Variants in DOCK4 observed in about 807,000 individuals in gnomAD.
DOCK4 encodes the protein dedicator of cytokinesis 4.
Under a neutral mutation model 268.1 loss-of-function variants are expected in DOCK4, and 97 were observed. The ratio of observed to expected loss-of-function variants is 0.36; its 90% CI spans 0.31 to 0.43. The LOEUF (loss-of-function observed/expected upper bound fraction) is 0.43, where lower values mean the gene tolerates loss of function less well. Ranked by LOEUF, DOCK4 falls within the 20% of genes least tolerant of loss-of-function variation. The pLI, the probability that DOCK4 is intolerant of heterozygous loss-of-function variation, is 1.00. For synonymous variants in DOCK4, 954 were observed against 887.2 expected (o/e 1.08, Z -1.34); for missense variants, 2,145 against 2,455.7 (o/e 0.87, Z 2.67).
At chr7:112,014,468 C>T (rs1320732651) in intron 1 of DOCK4, among the ~76,000 whole-genome samples, 3 of 152,136 alleles carry the variant, frequency 2.0e-5, no homozygotes, top group Non-Finnish European at 4.4e-5. Context: ...AGGGACCCAG[C>T]CCCAACACAC....
chr7:112,080,109 A>G (rs1808445481), intron 1 of DOCK4, among the ~76,000 whole-genome samples: 1 of 152,172 alleles, frequency 6.6e-6, no homozygotes, highest in Non-Finnish European at 1.5e-5. Flanking sequence ...TTTTCATTCA[A>G]AAAAGAATCA....
intron 35 of DOCK4, 117 bp from the exon 36 acceptor site, chr7:111,778,486 T>C (rs955239390): frequency 3.8e-6 from 2 of 520,168 alleles, no homozygotes; most frequent in Middle Eastern, 2.9e-4. Flanking sequence ...CATTTTTCCA[T>C]GTAAATATCT....
At chr7:112,091,473 A>G (rs1173151147) in intron 1 of DOCK4, among the ~76,000 whole-genome samples, 1 of 152,090 alleles carries the variant, frequency 6.6e-6, no homozygotes, top group Non-Finnish European at 1.5e-5. Flanking sequence ...ATACACCTTT[A>G]CTCTTGAACT....
At chr7:112,090,796 G>C (rs1563074617) in intron 1 of DOCK4, among the ~76,000 whole-genome samples, 2 of 152,174 alleles carry the variant, frequency 1.3e-5, no homozygotes, top group Non-Finnish European at 2.9e-5. Context: ...CATTGAGACA[G>C]AATTTCAGAA....
intron 1 of DOCK4, among the ~76,000 whole-genome samples, chr7:112,119,522 T>C (rs1193699543): frequency 6.6e-6 from 1 of 152,166 alleles, no homozygotes; most frequent in African/African-American, 2.4e-5. Flanking sequence ...CGTCTAACAC[T>C]GATTGAAATA....
chr7:111,954,165 A>G (rs548962907), intron 8 of DOCK4, among the ~76,000 whole-genome samples: 13 of 152,284 alleles, frequency 8.5e-5, no homozygotes, highest in East Asian at 3.9e-4. Flanking sequence ...AGAAAAAATT[A>G]TTTTCCTTCC....
intron 23 of DOCK4, among the ~76,000 whole-genome samples, chr7:111,856,159 C>G (rs928516934): frequency 6.6e-6 from 1 of 152,114 alleles, no homozygotes; most frequent in Non-Finnish European, 1.5e-5. Context: ...GGATGAGTGA[C>G]GTGTAAGAAA....
chr7:112,047,490 T>C (rs1004699991), intron 1 of DOCK4, among the ~76,000 whole-genome samples: 2 of 152,110 alleles, frequency 1.3e-5, no homozygotes, highest in African/African-American at 4.8e-5. Context: ...ATTCAAAAAT[T>C]TAATGGAGAC....
At chr7:112,013,161 A>G (rs1801499297) in intron 1 of DOCK4, among the ~76,000 whole-genome samples, 1 of 152,028 alleles carries the variant, frequency 6.6e-6, no homozygotes, top group Non-Finnish European at 1.5e-5. Flanking sequence ...ACAACTAAGC[A>G]TTTATTTTTC....
chr7:112,056,276 T>C (rs181643655), intron 1 of DOCK4, among the ~76,000 whole-genome samples: 213 of 152,230 alleles, frequency 1.4e-3, no homozygotes, highest in African/African-American at 4.8e-3. Flanking sequence ...CAATGGTTGA[T>C]AGAGTTAGGT....
intron 36 of DOCK4, among the ~76,000 whole-genome samples, chr7:111,773,883 G>A (rs1366255352): frequency 2.0e-5 from 3 of 151,970 alleles, no homozygotes; most frequent in Non-Finnish European, 4.4e-5. Context: ...TGGCTGTGGT[G>A]GCATGTGCCT....
At chr7:111,830,474 T>C (rs1192888555) in intron 26 of DOCK4, among the ~76,000 whole-genome samples, 2 of 152,080 alleles carry the variant, frequency 1.3e-5, no homozygotes, top group African/African-American at 4.8e-5. Flanking sequence ...AATTAGCCTT[T>C]ACTAAATTAA....
At chr7:111,935,285 AC>A in intron 12 of DOCK4, 1 of 480,936 alleles carries the variant, frequency 2.1e-6, no homozygotes, top group East Asian at 4.5e-5. Context: ...GAGTATGAAG[AC>A]TTGGTACCAA....
chr7:112,100,607 T>C (rs1810591781), intron 1 of DOCK4, among the ~76,000 whole-genome samples: 1 of 152,224 alleles, frequency 6.6e-6, no homozygotes, highest in Non-Finnish European at 1.5e-5. Flanking sequence ...CGACGTACTT[T>C]GAGTAGCTTC....
intron 1 of DOCK4, among the ~76,000 whole-genome samples, chr7:112,094,773 T>C (rs1809954023): frequency 6.6e-6 from 1 of 152,156 alleles, no homozygotes; most frequent in Admixed American, 6.5e-5. Context: ...GTATGGGTCA[T>C]GGGGATGGAT....
chr7:111,897,135 T>C (rs1050505292), intron 15 of DOCK4, among the ~76,000 whole-genome samples: 3 of 152,006 alleles, frequency 2.0e-5, no homozygotes, highest in Non-Finnish European at 4.4e-5. Flanking sequence ...TACTCCCCCT[T>C]TTCCCCCTCC....
intron 1 of DOCK4, among the ~76,000 whole-genome samples, chr7:112,112,390 T>G (rs1036519750): frequency 6.6e-6 from 1 of 152,122 alleles, no homozygotes; most frequent in Non-Finnish European, 1.5e-5. Flanking sequence ...ATGCCTGTAA[T>G]CCCAACACTT....
chr7:112,109,663 G>C (rs1811451890), intron 1 of DOCK4, among the ~76,000 whole-genome samples: 1 of 152,010 alleles, frequency 6.6e-6, no homozygotes, highest in African/African-American at 2.4e-5. Context: ...GTAGTTATTG[G>C]ACAACTGCTA....
intron 36 of DOCK4, among the ~76,000 whole-genome samples, chr7:111,772,395 C>T (rs370691252): frequency 6.6e-5 from 10 of 151,934 alleles, no homozygotes; most frequent in African/African-American, 1.7e-4. Context: ...AAAGTTCTGT[C>T]GGTGGATGGT....
Sources: allele counts gnomAD v4.1 joint callset (sites outside exome capture counted in the v4.1 genomes callset), GRCh38; gene constraint gnomAD v4.1.1; transcripts MANE v1.5; gene names NCBI Gene and HGNC (gene_info 2026-07-23, HGNC 2026-07-21).